Variants in NPHP4 observed in about 807,000 individuals in gnomAD.
NPHP4 encodes the protein nephrocystin 4.
A neutral mutation model predicts 155.8 loss-of-function variants in NPHP4; 151 were observed. That is an observed-to-expected ratio of 0.97 (90% confidence interval 0.85 to 1.11). The LOEUF (loss-of-function observed/expected upper bound fraction) is 1.11, where lower values mean the gene tolerates loss of function less well. NPHP4 is among the 50% of genes least tolerant of loss of function. The probability of loss-of-function intolerance (pLI) is 0.00; values close to 1 mark genes in which losing one functional copy is unlikely to be tolerated. For missense variants in NPHP4, 1,956 were observed against 1,925.7 expected, an observed-to-expected ratio of 1.02 and a Z score of -0.29; for synonymous variants, 845 against 816.8, an observed-to-expected ratio of 1.03 and a Z score of -0.59.
intron 16 of NPHP4, among the ~76,000 whole-genome samples, chr1:5,898,116 G>A (rs1199354537): frequency 1.3e-5 from 2 of 152,220 alleles, no homozygotes; most frequent in African/African-American, 2.4e-5. Context: ...GAAATGGACC[G>A]CGTTCTTTGG....
At chr1:5,891,888 CTCAAG>C in intron 16 of NPHP4, among the ~76,000 whole-genome samples, 2 of 152,224 alleles carry the variant, frequency 1.3e-5, no homozygotes, top group South Asian at 4.1e-4. Context: ...ATCTGCGTTT[CTCAAG>C]ACCAGAGGAC....
Position 5,867,625 on chromosome 1 carries a change from T to C in NPHP4, c.3472+115A>G. 9.1e-7 allele frequency: 1 copy of C among 1,104,212 alleles called. No individual in the cohort carries two copies. Among genetic ancestry groups the C allele is most frequent in the Admixed American group, 2.1e-5 (1 of 47,414 alleles). The allele number at this position is 1,104,212 out of a possible 1,614,324, so 68.4% of individuals were successfully genotyped here. ...AGAGAATTCCCCAGGCCCCACGTGC[T>C]GCTCTGACAGCACCAGGGCATGAAG... is the stretch of plus-strand genomic sequence containing the variant. On this transcript the variant is annotated intron_variant, in intron 24 of 29. Transcript: ENST00000378156. The surrounding 1 kb of genome is among the most constrained non-coding windows in gnomAD (Gnocchi z 4.1).
At chr1:5,964,348 G>A (rs1335448084) in intron 5 of NPHP4, among the ~76,000 whole-genome samples, 1 of 152,164 alleles carries the variant, frequency 6.6e-6, no homozygotes, top group Admixed American at 6.5e-5. Context: ...AAAGGAACCA[G>A]ATGGCAGGGA....
Position 5,961,959 on chromosome 1 carries a change from A to G in NPHP4, c.518-10T>C. On this transcript the variant is annotated splice_polypyrimidine_tract_variant and intron_variant, in intron 5 of 29. Coordinates refer to ENST00000378156, the MANE Select transcript of NPHP4 (RefSeq NM_015102.5). ...GTCATGTGTCTGTTTTCTGGTGAAGAAAACACAATGTGATCAACTGATAGC... is the reference window on the plus strand; with the variant it reads ...GTCATGTGTCTGTTTTCTGGTGAAGGAAACACAATGTGATCAACTGATAGC... 1 of 1,591,156 alleles carries G rather than the reference A, an allele frequency of 6.3e-7. No homozygotes were observed. Among genetic ancestry groups the G allele is most frequent in the Non-Finnish European group, 8.6e-7 (1 of 1,161,054 alleles).
intron 16 of NPHP4, among the ~76,000 whole-genome samples, chr1:5,893,811 G>A (rs1644261744): frequency 1.3e-5 from 2 of 152,186 alleles, no homozygotes; most frequent in South Asian, 2.1e-4. Context: ...ACCATGGTCC[G>A]CCTGGCAACG....
chr1:5,969,322 G>A (rs903252769), intron 3 of NPHP4, 63 bp from the exon 4 acceptor site: 21 of 1,160,644 alleles, frequency 1.8e-5, no homozygotes, highest in South Asian at 9.5e-5. Context: ...GGACATGGGC[G>A]CTGTCCCCAC....
chr1:5,879,448 C>T, intron 19 of NPHP4: 1 of 479,334 alleles, frequency 2.1e-6, no homozygotes. Context: ...TCCCAAGCTC[C>T]ATAATTGGCT....
At position 5,927,813 on chromosome 1, in the gene NPHP4, T is replaced by TG. The variant is rs771620989; in HGVS notation, c.1303-27dup. 97 of 1,588,736 alleles carry TG rather than the reference T, an allele frequency of 6.1e-5. No individual in the cohort carries two copies. The South Asian group carries it at 1.0e-3, about 17-fold the overall frequency. On this transcript the variant is annotated intron_variant, in intron 10 of 29. Coordinates refer to ENST00000378156, the MANE Select transcript of NPHP4 (RefSeq NM_015102.5). ...CTGCAATGGACCAGAAGAGCAGTGA[T>TG]GGCCACTCCCTTCATCAGCACGCCT... is the stretch of plus-strand genomic sequence containing the variant.
In NPHP4 at chr1:5,882,296, G is replaced by A. The variant is rs1391894168; in HGVS notation, c.2486-2057C>T. ...CGCGCTTACCCAGCCATCTCTCAGT[G>A]GCGCGCTTACCCAGCCATCTCTCAG... On this transcript the variant is annotated intron_variant, in intron 18 of 29. Transcript: ENST00000378156. The surrounding 1 kb of genome is among the most constrained non-coding windows in gnomAD (Gnocchi z 5.1). The A allele has an allele frequency of 1.5e-5, 2 of 132,132 alleles. No homozygotes were observed. Among genetic ancestry groups the A allele is most frequent in the African/African-American group, 2.8e-5 (1 of 35,582 alleles). 8.2% of individuals were successfully genotyped at this position (132,132 alleles called of 1,614,324 possible).
intron 9 of NPHP4, among the ~76,000 whole-genome samples, chr1:5,941,802 G>A (rs1419903814): frequency 6.6e-6 from 1 of 152,178 alleles, no homozygotes; most frequent in East Asian, 1.9e-4. Context: ...CCTGAGTCCA[G>A]ACCCATGTGC....
intron 11 of NPHP4, among the ~76,000 whole-genome samples, chr1:5,913,998 A>C (rs149074079): frequency 3.3e-5 from 5 of 152,198 alleles, no homozygotes; most frequent in Non-Finnish European, 7.4e-5. Context: ...AAGTAAGTAC[A>C]CTGGGCTTCG....
chr1:5,952,769 G>T lies in NPHP4; in HGVS notation c.741C>A (p.Thr247=), dbSNP rs1260790949. 3 of 1,583,610 alleles carry T rather than the reference G, an allele frequency of 1.9e-6. No individual in the cohort carries two copies. Among genetic ancestry groups the T allele is most frequent in the Non-Finnish European group, 2.6e-6 (3 of 1,164,500 alleles). Residue 247 remains threonine (T), a synonymous_variant, in exon 7 of 30, where the codon ACC becomes ACA. Coordinates refer to ENST00000378156, the MANE Select transcript of NPHP4 (RefSeq NM_015102.5). ...CAAACTTCTCCAGGGAGGGGTACAG[G>T]GTGAAGAATAAGTCATCCAAGTGCC... ...ITGHLDDLFF[T]LYPSLEKFEE...
chr1:5,956,059 T>C (rs1446370894), intron 6 of NPHP4, among the ~76,000 whole-genome samples: 5 of 105,490 alleles, frequency 4.7e-5, no homozygotes, highest in African/African-American at 2.0e-4. Flanking sequence ...TTCAAAAAGC[T>C]GGGGGGGGGG....
chr1:5,897,673 C>T lies in NPHP4; in HGVS notation c.2144-6645G>A, dbSNP rs114275797. 7.4e-3 allele frequency among the ~76,000 whole-genome samples: 1,128 copies of T among 152,154 alleles called. 15 individuals are homozygous for T. The highest frequency in any genetic ancestry group is 0.026 in the African/African-American group (1,074 of 41,506). On this transcript the variant is annotated intron_variant, in intron 16 of 29. Coordinates refer to ENST00000378156, the MANE Select transcript of NPHP4 (RefSeq NM_015102.5). Reference sequence around the variant, plus strand: ...CACTGGAAAAGAATGCAGGCGACTACGAGATTAAAGTGATAATTACAAATA... The same window carrying T: ...CACTGGAAAAGAATGCAGGCGACTATGAGATTAAAGTGATAATTACAAATA...
At position 5,909,646 on chromosome 1, in the gene NPHP4, C is replaced by T. The variant is rs112121231; in HGVS notation, c.1442-433G>A. On this transcript the variant is annotated intron_variant, in intron 11 of 29. Coordinates refer to ENST00000378156, the MANE Select transcript of NPHP4 (RefSeq NM_015102.5). ...AAGCTCCTGAGCAGACACTGCCAAC[C>T]TGGCTTGCGGCCTCACGAACACCCA... is the stretch of plus-strand genomic sequence containing the variant. Among the ~76,000 whole-genome samples, 494 of 152,300 alleles carry T rather than the reference C, an allele frequency of 3.2e-3. 3 individuals are homozygous for T. The highest frequency in any genetic ancestry group is 0.011 in the African/African-American group (464 of 41,554).
At chr1:5,909,978 C>A (rs911351356) in intron 11 of NPHP4, among the ~76,000 whole-genome samples, 13 of 152,198 alleles carry the variant, frequency 8.5e-5, no homozygotes, top group African/African-American at 3.1e-4. Context: ...GCCCAGCAGA[C>A]CCAGGGCTCT....
intron 1 of NPHP4, among the ~76,000 whole-genome samples, chr1:5,991,904 G>C (rs1470903888): frequency 2.1e-5 from 3 of 141,220 alleles, no homozygotes; most frequent in Non-Finnish European, 4.6e-5. Context: ...CCCTTCAGCC[G>C]AGGGGCTGCA....
intron 11 of NPHP4, among the ~76,000 whole-genome samples, chr1:5,920,769 G>T (rs1202204587): frequency 6.6e-6 from 1 of 151,938 alleles, no homozygotes; most frequent in East Asian, 1.9e-4. Flanking sequence ...ATTTTTAATG[G>T]TCATATGTAT....
At chr1:5,864,307 C>A in intron 28 of NPHP4, 31 bp downstream of exon 28, 1 of 1,563,480 alleles carries the variant, frequency 6.4e-7, no homozygotes, top group South Asian at 1.2e-5. Flanking sequence ...AGCCCCCATC[C>A]CCTCAGCCTG....
Sources: gnomAD v4.1 joint callset for allele counts (sites outside exome capture counted in the v4.1 genomes callset) on GRCh38, gnomAD v4.1.1 for gene constraint, Gnocchi (gnomAD v3.1) non-coding constraint, MANE v1.5 for transcripts, NCBI Gene and HGNC (gene_info 2026-07-23, HGNC 2026-07-21) for gene names.